The following TUSC3 variants were observed in gnomAD, a reference collection of about 807,000 sequenced individuals.
The protein encoded by TUSC3 is dolichyl-diphosphooligosaccharide--protein glycosyltransferase subunit TUSC3.
A neutral mutation model predicts 44.8 loss-of-function variants in TUSC3; 45 were observed. That is an observed-to-expected ratio of 1.00 (90% confidence interval 0.79 to 1.29). TUSC3 has a LOEUF of 1.29. Ranked by LOEUF, TUSC3 falls within the 50% of genes most tolerant of loss-of-function variation. TUSC3 has a pLI of 0.00. For synonymous variants in TUSC3, 212 were observed against 152.9 expected, an observed-to-expected ratio of 1.39 and a Z score of -2.85; for missense variants, 519 against 437.9, an observed-to-expected ratio of 1.19 and a Z score of -1.65.
chr8:15,748,584 TAAGC>T (rs755684355), intron 9 of TUSC3, 119 bp downstream of exon 9: 17 of 987,974 alleles, frequency 1.7e-5, no homozygotes, highest in Middle Eastern at 2.0e-4. Flanking sequence ...TAAATTCAGT[TAAGC>T]AAGTTTTTGA....
At chr8:15,748,643 T>A in intron 9 of TUSC3, 178 bp downstream of exon 9, 1 of 742,512 alleles carries the variant, frequency 1.3e-6, no homozygotes, top group South Asian at 1.4e-5. Flanking sequence ...AAAGGAGATA[T>A]AAGGCATGGT....
the TUSC3 span, among the ~76,000 whole-genome samples, chr8:15,818,969 C>G: frequency 6.6e-6 from 1 of 152,106 alleles, no homozygotes; most frequent in Non-Finnish European, 1.5e-5. Context: ...CACACCTATA[C>G]TCCTGGTGCC....
chr8:15,444,519 G>A (rs1005373308), intron 1 of TUSC3, among the ~76,000 whole-genome samples: 3 of 152,156 alleles, frequency 2.0e-5, no homozygotes, highest in Admixed American at 2.0e-4. Context: ...ACATTACCTG[G>A]GGATGGTGGA....
At chr8:15,719,378 C>T (rs866044551) in intron 6 of TUSC3, among the ~76,000 whole-genome samples, 2 of 151,850 alleles carry the variant, frequency 1.3e-5, no homozygotes, top group Non-Finnish European at 2.9e-5. Context: ...GGTGTTTATC[C>T]TGACCTTCTT....
At chr8:15,461,512 G>A (rs148252706) in intron 1 of TUSC3, among the ~76,000 whole-genome samples, 4 of 152,010 alleles carry the variant, frequency 2.6e-5, no homozygotes, top group African/African-American at 9.6e-5. Context: ...TAAACAATTT[G>A]GATGCCTTTT....
At chr8:15,804,461 G>A in the TUSC3 span, among the ~76,000 whole-genome samples, 2 of 152,102 alleles carry the variant, frequency 1.3e-5, no homozygotes, top group Non-Finnish European at 2.9e-5. Context: ...CATAGTTTGA[G>A]GTCTTACATT....
At chr8:15,761,095 T>C (rs1012108928) in intron 10 of TUSC3, among the ~76,000 whole-genome samples, 4 of 152,204 alleles carry the variant, frequency 2.6e-5, no homozygotes, top group East Asian at 1.9e-4. Context: ...TAAATGCTGA[T>C]TGAAACAGAC....
intron 2 of TUSC3, among the ~76,000 whole-genome samples, chr8:15,506,085 C>G (rs1020653467): frequency 9.2e-5 from 14 of 152,166 alleles, no homozygotes; most frequent in African/African-American, 3.4e-4. Context: ...CCTGCCTTGA[C>G]GGGAGACTAT....
In TUSC3 at chr8:15,485,915, T is replaced by C. The variant is rs150154500; in HGVS notation, n.189+2432T>C. ...TCAAGTGATTCCTGCCTCAGCCTCC[T>C]GAGCAGCTGGGATTACAGGTGCCCA... On this transcript the variant is annotated intron_variant and non_coding_transcript_variant, in intron 2 of 5. Transcript: ENST00000503191. 2.9e-3 allele frequency among the ~76,000 whole-genome samples: 439 copies of C among 152,104 alleles called. 2 individuals are homozygous for C. The highest frequency in any genetic ancestry group is 8.0e-3 in the African/African-American group (330 of 41,502).
chr8:15,765,685 A>G lies in TUSC3; in HGVS notation c.*1529A>G, dbSNP rs1812307345. 1 of 152,094 alleles carries G rather than the reference A, an allele frequency of 6.6e-6. No homozygotes were observed. The highest frequency in any genetic ancestry group is 1.5e-5 in the Non-Finnish European group (1 of 67,966). The allele number at this position is 152,094 out of a possible 1,614,324, so 9.4% of individuals were successfully genotyped here. A position where few individuals can be genotyped will look rare whatever the true frequency, so the allele number is the denominator to read the frequency against. ...TCCCAAATCTGTTACTAAAAATAACATAAATTCTCCTAGTTCATGTACTTA... is the reference window on the plus strand; with the variant it reads ...TCCCAAATCTGTTACTAAAAATAACGTAAATTCTCCTAGTTCATGTACTTA... On this transcript the variant is annotated 3_prime_UTR_variant, in exon 11 of 11. Coordinates refer to ENST00000503731, the MANE Select transcript of TUSC3 (RefSeq NM_006765.4).
chr8:15,589,510 A>T (rs182539347), intron 1 of TUSC3, among the ~76,000 whole-genome samples: 1 of 152,216 alleles, frequency 6.6e-6, no homozygotes, highest in Non-Finnish European at 1.5e-5. Flanking sequence ...ACATGAGGTT[A>T]ATAGTAGCTA....
chr8:15,643,221 G>T (rs1296613909), intron 2 of TUSC3, among the ~76,000 whole-genome samples: 4 of 152,322 alleles, frequency 2.6e-5, no homozygotes, highest in South Asian at 2.1e-4. Flanking sequence ...GTGCTGAACT[G>T]TGAGTCAGTT....
intron 1 of TUSC3, among the ~76,000 whole-genome samples, chr8:15,425,562 T>C (rs554111300): frequency 5.9e-4 from 90 of 152,330 alleles, no homozygotes; most frequent in African/African-American, 1.6e-3. Flanking sequence ...GTTCTGGCAC[T>C]GTGGGAAAGC....
chr8:15,830,544 G>A, the TUSC3 span, among the ~76,000 whole-genome samples: 2 of 152,170 alleles, frequency 1.3e-5, no homozygotes, highest in Admixed American at 6.6e-5. Flanking sequence ...ATTAAAAAAT[G>A]TGATGTGTAT....
At chr8:15,816,610 GT>G in the TUSC3 span, among the ~76,000 whole-genome samples, 1 of 152,154 alleles carries the variant, frequency 6.6e-6, no homozygotes, top group African/African-American at 2.4e-5. Context: ...GTAAGACGAT[GT>G]TGCCCAAACT....
intron 10 of TUSC3, 71 bp from the exon 11 acceptor site, chr8:15,764,132 T>C: frequency 1.5e-6 from 2 of 1,368,168 alleles, no homozygotes; most frequent in Non-Finnish European, 2.1e-6. Context: ...TAATTTAGAA[T>C]GGAATAACAA....
At chr8:15,617,946 G>A (rs894112798) in intron 1 of TUSC3, among the ~76,000 whole-genome samples, 1 of 152,048 alleles carries the variant, frequency 6.6e-6, no homozygotes, top group Non-Finnish European at 1.5e-5. Context: ...TAGCTCCTAG[G>A]GTACAAAGCT....
intron 1 of TUSC3, among the ~76,000 whole-genome samples, chr8:15,621,812 G>C (rs1050168739): frequency 6.6e-6 from 1 of 150,682 alleles, no homozygotes; most frequent in Non-Finnish European, 1.5e-5. Flanking sequence ...CATTAGCTGT[G>C]ATTTTTCTTT....
intron 1 of TUSC3, among the ~76,000 whole-genome samples, chr8:15,601,326 C>T (rs1209791342): frequency 6.6e-6 from 1 of 151,626 alleles, no homozygotes; most frequent in African/African-American, 2.4e-5. Flanking sequence ...TGTTCTGTGA[C>T]CAGTATGCAC....
Sources: gnomAD v4.1 joint callset for allele counts (sites outside exome capture counted in the v4.1 genomes callset) on GRCh38, gnomAD v4.1.1 for gene constraint, MANE v1.5 for transcripts, NCBI Gene and HGNC (gene_info 2026-07-23, HGNC 2026-07-21) for gene names.